Variants in PCYT1B observed in about 807,000 individuals in gnomAD.
PCYT1B encodes phosphate cytidylyltransferase 1B, choline, also known as choline-phosphate cytidylyltransferase B.
In PCYT1B, 10 loss-of-function variants were observed where a neutral mutation model predicts 26.4. The observed-to-expected ratio is 0.38, with a 90% confidence interval of 0.23 to 0.64. The LOEUF (loss-of-function observed/expected upper bound fraction) is 0.64. PCYT1B is among the 30% of genes least tolerant of loss of function. The probability of loss-of-function intolerance (pLI) is 0.56; values close to 1 mark genes in which losing one functional copy is unlikely to be tolerated. For missense variants in PCYT1B, 161 were observed against 292.7 expected (o/e 0.55, Z 3.28); for synonymous variants, 131 against 108.4 (o/e 1.21, Z -1.29).
chrX:24,562,581 G>T, intron 7 of PCYT1B, 76 bp from the exon 8 acceptor site: 2 of 929,368 alleles, frequency 2.2e-6, no homozygotes, highest in East Asian at 3.4e-5. Context: ...GGTAAGGCAG[G>T]CAGGAGAGCC....
chrX:24,601,518 A>T (rs1349098217), intron 3 of PCYT1B, among the ~76,000 whole-genome samples: 8 of 108,678 alleles, frequency 7.4e-5, no homozygotes, highest in African/African-American at 2.7e-4. Context: ...AAAGACATGG[A>T]CTGGGCGAAA....
At chrX:24,579,846 T>A (rs981605875) in intron 5 of PCYT1B, among the ~76,000 whole-genome samples, 1 of 112,025 alleles carries the variant, frequency 8.9e-6, no homozygotes, top group Non-Finnish European at 1.9e-5. Flanking sequence ...TCAGGTAGAA[T>A]CCACAACATT....
chrX:24,565,130 G>GTGCCTGC (rs1180569330), intron 7 of PCYT1B, among the ~76,000 whole-genome samples: 20 of 110,350 alleles, frequency 1.8e-4, no homozygotes, highest in Non-Finnish European at 3.0e-4. Flanking sequence ...CCAGCCTACT[G>GTGCCTGC]TGCCTGCTGC....
intron 5 of PCYT1B, among the ~76,000 whole-genome samples, chrX:24,586,863 C>T (rs899261763): frequency 2.0e-4 from 22 of 111,784 alleles, no homozygotes; most frequent in African/African-American, 7.2e-4. Flanking sequence ...CAGTTATCTA[C>T]CTGCTTCTGG....
chrX:24,572,141 C>T (rs1382660209), intron 7 of PCYT1B, among the ~76,000 whole-genome samples: 1 of 111,082 alleles, frequency 9.0e-6, no homozygotes, highest in African/African-American at 3.3e-5. Context: ...CGTCTGTGTA[C>T]TGAATTTGAT....
At chrX:24,633,078 C>T (rs1180098765) in intron 1 of PCYT1B, among the ~76,000 whole-genome samples, 5 of 107,643 alleles carry the variant, frequency 4.6e-5, no homozygotes, top group African/African-American at 1.7e-4. Context: ...GGTGTGGTGG[C>T]ACGTGCCTGT....
At chrX:24,637,285 T>C (rs1418185817) in intron 1 of PCYT1B, among the ~76,000 whole-genome samples, 1 of 106,400 alleles carries the variant, frequency 9.4e-6, no homozygotes, top group Non-Finnish European at 1.9e-5. Context: ...CTATGTGTCA[T>C]GGAAATAGGG....
In PCYT1B at chrX:24,647,314, C is replaced by T; in HGVS notation, c.-209G>A. 2 of 1,018,524 alleles carry T rather than the reference C, an allele frequency of 2.0e-6. No individual in the cohort carries two copies. Among genetic ancestry groups the T allele is most frequent in the East Asian group, 7.5e-5 (2 of 26,633 alleles). The allele number at this position is 1,018,524 out of a possible 1,213,427, so 83.9% of individuals were successfully genotyped here. On this transcript the variant is annotated 5_prime_UTR_variant, in exon 1 of 8. Transcript: ENST00000379144. ...CTCTCCCAGAAGCCAAGAGGCAAGG[C>T]CTCAGTTTATCACTATAACAACCAG...
intron 3 of PCYT1B, among the ~76,000 whole-genome samples, chrX:24,594,585 A>G (rs920727403): frequency 3.6e-5 from 4 of 111,978 alleles, no homozygotes. Context: ...CACAAAGAAA[A>G]CAAACATCCT....
chrX:24,647,264 AC>A lies in PCYT1B; in HGVS notation c.-160del. 2.0e-6 allele frequency: 2 copies of A among 992,383 alleles called. No homozygotes were observed. Among genetic ancestry groups the A allele is most frequent in the Middle Eastern group, 4.1e-4 (1 of 2,448 alleles). The allele number at this position is 992,383 out of a possible 1,213,427, so 81.8% of individuals were successfully genotyped here. A position where few individuals can be genotyped will look rare whatever the true frequency, so the allele number is the denominator to read the frequency against. On this transcript the variant is annotated 5_prime_UTR_variant, in exon 1 of 8. Coordinates refer to ENST00000379144, the MANE Select transcript of PCYT1B (RefSeq NM_004845.5). ...CTTCCCTAGGGGAAGTAAAGAGGTT[AC>A]CCCCCGCCCCTCTCTCTCTCTCTCT...
At chrX:24,662,441 C>T (rs1280619628) in intron 1 of PCYT1B, among the ~76,000 whole-genome samples, 1 of 111,162 alleles carries the variant, frequency 9.0e-6, no homozygotes, top group African/African-American at 3.3e-5. Context: ...ATGCACAGGA[C>T]AATCGTCCAC....
At position 24,579,368 on chromosome X, in the gene PCYT1B, C is replaced by T; in HGVS notation, c.656G>A (p.Arg219His). 8.3e-7 allele frequency: 1 copy of T among 1,208,645 alleles called. No individual in the cohort carries two copies. Among genetic ancestry groups the T allele is most frequent in the Non-Finnish European group, 1.1e-6 (1 of 893,118 alleles). ...GGCTGTATACCCTCTCTGGAGGTTACGTCGGGCATAAACATCATAGTCACG... is the reference window on the plus strand; with the variant it reads ...GGCTGTATACCCTCTCTGGAGGTTATGTCGGGCATAAACATCATAGTCACG... ...IVRDYDVYAR[R>H]NLQRGYTAKE... Residue 219 changes from arginine to histidine, a missense_variant, in exon 6 of 8, where the codon CGT becomes CAT. By Grantham distance (29) the Arg-to-His change is conservative. Transcript: ENST00000379144.
intron 1 of PCYT1B, among the ~76,000 whole-genome samples, chrX:24,656,129 CAAA>C (rs34397973): frequency 3.4e-4 from 2 of 5,931 alleles, no homozygotes; most frequent in East Asian, 0.012. Context: ...AACTCCATCT[CAAA>C]AAAAAAAAAA....
At chrX:24,565,052 G>A (rs777115675) in intron 7 of PCYT1B, among the ~76,000 whole-genome samples, 2 of 110,435 alleles carry the variant, frequency 1.8e-5, no homozygotes, top group South Asian at 4.0e-4. Flanking sequence ...GGGACCTCAT[G>A]TGATGGTTGC....
chrX:24,671,318 CATGAATGA>C (rs754548246), intron 1 of PCYT1B, among the ~76,000 whole-genome samples: 1 of 83,902 alleles, frequency 1.2e-5, no homozygotes, highest in Non-Finnish European at 2.3e-5. Flanking sequence ...TGAAATGAGG[CATGAATGA>C]ATGAATGAAT....
chrX:24,627,069 T>C (rs1459534463), intron 1 of PCYT1B, among the ~76,000 whole-genome samples: 1 of 112,035 alleles, frequency 8.9e-6, no homozygotes, highest in Non-Finnish European at 1.9e-5. Context: ...TGTAAATATA[T>C]AAAGGATCAA....
At position 24,623,175 on chromosome X, in the gene PCYT1B, G is replaced by A. The variant is rs141649973; in HGVS notation, c.118-4091C>T. ...CGTTTTAGAATGGGAGAAGGTATTC[G>A]TTTGAAAGGGCATGTTCATGTTCAT... On this transcript the variant is annotated intron_variant, in intron 1 of 7. Transcript: ENST00000379144. Among the ~76,000 whole-genome samples the A allele has an allele frequency of 1.5e-4, 17 of 109,908 alleles. No individual in the cohort carries two copies. In the East Asian group the frequency reaches 4.2e-3, roughly 27 times the overall value.
chrX:24,593,522 TCTTC>T (rs1450629819), intron 3 of PCYT1B, among the ~76,000 whole-genome samples: 1 of 94,353 alleles, frequency 1.1e-5, no homozygotes, highest in African/African-American at 4.0e-5. Context: ...TTTCTTTCTT[TCTTC>T]CTTTCTTTTT....
At chrX:24,574,592 G>A (rs1923959789) in intron 7 of PCYT1B, among the ~76,000 whole-genome samples, 1 of 111,573 alleles carries the variant, frequency 9.0e-6, no homozygotes, top group African/African-American at 3.3e-5. Flanking sequence ...CACAGATGCA[G>A]GGCAAACTCC....
Sources: allele counts gnomAD v4.1 joint callset (sites outside exome capture counted in the v4.1 genomes callset), GRCh38; gene constraint gnomAD v4.1.1; transcripts MANE v1.5; gene names NCBI Gene and HGNC (gene_info 2026-07-23, HGNC 2026-07-21).